The following EPHB2 variants were observed in gnomAD, a reference collection of about 807,000 sequenced individuals.
The protein encoded by EPHB2 is ephrin type-B receptor 2.
A neutral mutation model predicts 96.4 loss-of-function variants in EPHB2; 18 were observed. That is an observed-to-expected ratio of 0.19 (90% confidence interval 0.13 to 0.28). The LOEUF (loss-of-function observed/expected upper bound fraction) is 0.28. EPHB2 is among the 10% of genes least tolerant of loss of function. EPHB2 has a pLI of 1.00. For synonymous variants in EPHB2, 506 were observed against 534.1 expected (o/e 0.95, Z 0.72); for missense variants, 989 against 1,355.4 (o/e 0.73, Z 4.25).
intron 15 of EPHB2, 29 bp downstream of exon 15, chr1:22,912,628 C>T: frequency 1.2e-6 from 2 of 1,611,754 alleles, no homozygotes. Context: ...CTGCTTGTCA[C>T]CTTAGCACCC....
At chr1:22,881,055 C>T (rs1360108409) in intron 5 of EPHB2, among the ~76,000 whole-genome samples, 1 of 151,924 alleles carries the variant, frequency 6.6e-6, no homozygotes, top group Non-Finnish European at 1.5e-5. Context: ...GAGGGGATCA[C>T]TTAAGCCCAG....
intron 1 of EPHB2, among the ~76,000 whole-genome samples, chr1:22,755,840 G>A (rs1046264766): frequency 1.3e-5 from 2 of 152,144 alleles, no homozygotes; most frequent in Non-Finnish European, 2.9e-5. Flanking sequence ...TAGTCACAGG[G>A]AAGAAAGGAA....
At chr1:22,756,307 G>A (rs546459759) in intron 1 of EPHB2, among the ~76,000 whole-genome samples, 3 of 152,270 alleles carry the variant, frequency 2.0e-5, no homozygotes, top group South Asian at 2.1e-4. Context: ...TGGGGGCAGC[G>A]GAAGGGTCCG....
chr1:22,902,491 T>C (rs1227459216), intron 9 of EPHB2, among the ~76,000 whole-genome samples: 2 of 152,226 alleles, frequency 1.3e-5, no homozygotes, highest in East Asian at 3.8e-4. Context: ...CCCAAAATTA[T>C]ATGTGAAATA....
At chr1:22,889,211 C>T (rs943131823) in intron 6 of EPHB2, among the ~76,000 whole-genome samples, 4 of 152,282 alleles carry the variant, frequency 2.6e-5, no homozygotes, top group South Asian at 4.2e-4. Flanking sequence ...CTTCCAATCC[C>T]TTGCCCAGCT....
chr1:22,807,542 C>T (rs1330325103), intron 3 of EPHB2, among the ~76,000 whole-genome samples: 1 of 152,196 alleles, frequency 6.6e-6, no homozygotes, highest in Non-Finnish European at 1.5e-5. Flanking sequence ...GCTGGTCCAG[C>T]TCCCTCCCAG....
chr1:22,882,813 G>T, intron 6 of EPHB2: 1 of 352,194 alleles, frequency 2.8e-6, no homozygotes, highest in South Asian at 2.3e-5. Flanking sequence ...GGAAAAACTG[G>T]GTTTCCAAAA....
At position 22,845,064 on chromosome 1, in the gene EPHB2, G is replaced by T. The variant is rs535958112; in HGVS notation, c.812-17973G>T. On this transcript the variant is annotated intron_variant, in intron 3 of 15. Coordinates refer to ENST00000374630, the MANE Select transcript of EPHB2 (RefSeq NM_017449.5). ...TTGCGATGAGAGCAGAGGAGGTGAC[G>T]ATGATGAGTTAGGCTCCATCCAGCG... Among the ~76,000 whole-genome samples the T allele has an allele frequency of 3.3e-5, 5 of 152,346 alleles. No individual in the cohort carries two copies. The South Asian group carries it at 1.0e-3, about 32-fold the overall frequency.
rs1645772501 is a variant in EPHB2, at chr1:22,860,207, G to A, written c.812-2830G>A. 6.6e-6 allele frequency among the ~76,000 whole-genome samples: 1 copy of A among 152,160 alleles called. No individual in the cohort carries two copies. Among genetic ancestry groups the A allele is most frequent in the African/African-American group, 2.4e-5 (1 of 41,436 alleles). On this transcript the variant is annotated intron_variant, in intron 3 of 15. Coordinates refer to ENST00000374630, the MANE Select transcript of EPHB2 (RefSeq NM_017449.5). This position sits in a 1 kb window ranked among gnomAD's most constrained non-coding sequence, Gnocchi z 4.6. The stretch of plus-strand genomic sequence containing the variant: ...GCTAGTTTGGAGAGTGGGTGGGTGG[G>A]AGGAGGCCAGATGGCGTGAGAGGCT...
At chr1:22,777,330 A>G (rs1328309766) in intron 1 of EPHB2, among the ~76,000 whole-genome samples, 2 of 152,150 alleles carry the variant, frequency 1.3e-5, no homozygotes, top group Non-Finnish European at 2.9e-5. Context: ...TTTCTCATCT[A>G]TGAAATGGGA....
At chr1:22,909,599 C>T (rs1557752139) in intron 13 of EPHB2, among the ~76,000 whole-genome samples, 1 of 152,166 alleles carries the variant, frequency 6.6e-6, no homozygotes, top group African/African-American at 2.4e-5. Flanking sequence ...GCAAGATCAG[C>T]CAGGAAGTGA....
chr1:22,723,338 C>T (rs906512450), intron 1 of EPHB2, among the ~76,000 whole-genome samples: 9 of 152,250 alleles, frequency 5.9e-5, no homozygotes, highest in Admixed American at 3.3e-4. Flanking sequence ...GGAGTCTGTT[C>T]GAGTCAGGGC....
At position 22,842,098 on chromosome 1, in the gene EPHB2, G is replaced by A. The variant is rs140661768; in HGVS notation, c.812-20939G>A. ...AACCCTAAAAATGGAGCAAAGAGCT[G>A]TCGGGAGTAACTTTCTTCTCTTTCA... On this transcript the variant is annotated intron_variant, in intron 3 of 15. Coordinates refer to ENST00000374630, the MANE Select transcript of EPHB2 (RefSeq NM_017449.5). Among the ~76,000 whole-genome samples, 470 of 152,260 alleles carry A rather than the reference G, an allele frequency of 3.1e-3. 6 individuals are homozygous for A. Among genetic ancestry groups the A allele is most frequent in the Middle Eastern group, 0.031 (9 of 294 alleles).
chr1:22,736,983 G>A (rs550292219), intron 1 of EPHB2, among the ~76,000 whole-genome samples: 4 of 152,272 alleles, frequency 2.6e-5, no homozygotes, highest in Admixed American at 6.5e-5. Context: ...GAGAACCTGG[G>A]ACTCCCCCAG....
chr1:22,720,143 C>T (rs1344635954), intron 1 of EPHB2, among the ~76,000 whole-genome samples: 1 of 152,150 alleles, frequency 6.6e-6, no homozygotes, highest in Non-Finnish European at 1.5e-5. Flanking sequence ...CAATTAGCTC[C>T]CAAGATGGTG....
intron 1 of EPHB2, among the ~76,000 whole-genome samples, chr1:22,712,322 T>G (rs572862697): frequency 6.6e-6 from 1 of 152,262 alleles, no homozygotes; most frequent in South Asian, 2.1e-4. Flanking sequence ...AGCACTCACT[T>G]AGCTGGGTTT....
At position 22,761,602 on chromosome 1, in the gene EPHB2, A is replaced by G. The variant is rs112223721; in HGVS notation, c.62-19819A>G. ...CTTGTCTGTAAAATGGGGATAGGAAAGTCTCAAAGTATAGCTGGGAGTGTT... is the reference window on the plus strand; with the variant it reads ...CTTGTCTGTAAAATGGGGATAGGAAGGTCTCAAAGTATAGCTGGGAGTGTT... On this transcript the variant is annotated intron_variant, in intron 1 of 15. Coordinates refer to ENST00000374630, the MANE Select transcript of EPHB2 (RefSeq NM_017449.5). 5.0e-3 allele frequency among the ~76,000 whole-genome samples: 757 copies of G among 152,296 alleles called. 9 individuals are homozygous for G. Among genetic ancestry groups the G allele is most frequent in the African/African-American group, 0.017 (707 of 41,550 alleles).
intron 1 of EPHB2, among the ~76,000 whole-genome samples, chr1:22,720,669 C>CCCCCCG (rs1553158004): frequency 8.7e-6 from 1 of 114,416 alleles, no homozygotes; most frequent in Non-Finnish European, 2.0e-5. Flanking sequence ...TTCCCCCCCC[C>CCCCCCG]CCCCGCCCCA....
At chr1:22,884,948 AG>A (rs1318897685) in intron 6 of EPHB2, among the ~76,000 whole-genome samples, 1 of 152,176 alleles carries the variant, frequency 6.6e-6, no homozygotes, top group Admixed American at 6.5e-5. Context: ...AAGTTCCTTG[AG>A]GGTGAAGATC....
Sources: allele counts gnomAD v4.1 joint callset (sites outside exome capture counted in the v4.1 genomes callset), GRCh38; gene constraint gnomAD v4.1.1; non-coding constraint Gnocchi (gnomAD v3.1); transcripts MANE v1.5; gene names NCBI Gene and HGNC (gene_info 2026-07-23, HGNC 2026-07-21).